The following SORCS3 variants were observed in gnomAD, a reference collection of about 807,000 sequenced individuals.
SORCS3 encodes the protein VPS10 domain-containing receptor SorCS3.
In SORCS3, 57 loss-of-function variants were observed where a neutral mutation model predicts 146.3. That is an observed-to-expected ratio of 0.39 (90% CI 0.31 to 0.49). The LOEUF (loss-of-function observed/expected upper bound fraction) is 0.49, where lower values mean the gene tolerates loss of function less well. SORCS3 is among the 20% of genes least tolerant of loss of function. The pLI is 0.92. For synonymous variants in SORCS3, 653 were observed against 618.5 expected (o/e 1.06, Z -0.83); for missense variants, 1,341 against 1,575.5 (o/e 0.85, Z 2.52).
chr10:105,029,265 C>T (rs2055249601), intron 4 of SORCS3, among the ~76,000 whole-genome samples: 1 of 152,164 alleles, frequency 6.6e-6, no homozygotes, highest in South Asian at 2.1e-4. Flanking sequence ...ATCATTAAAG[C>T]CATGGGTAGA....
At chr10:104,741,712 T>G (rs978651495) in intron 1 of SORCS3, among the ~76,000 whole-genome samples, 1 of 137,150 alleles carries the variant, frequency 7.3e-6, no homozygotes, top group Non-Finnish European at 1.6e-5. Context: ...TTTTTTTTTT[T>G]TTTTTTTTTT....
Position 104,665,735 on chromosome 10 carries a change from A to T in SORCS3, c.627+23781A>T, listed in dbSNP as rs533865444. On this transcript the variant is annotated intron_variant, in intron 1 of 26. Transcript: ENST00000369701. ...AAACTCTCCTCTGGGATTGTTCTTA[A>T]CAAGGTGGTTTGAGTTTCTCTAGGA... 6 of 152,320 alleles carry T rather than the reference A, an allele frequency of 3.9e-5. No homozygotes were observed. The East Asian group carries it at 1.2e-3, about 29-fold the overall frequency. The allele number at this position is 152,320 out of a possible 1,614,324, so 9.4% of individuals were successfully genotyped here.
intron 1 of SORCS3, among the ~76,000 whole-genome samples, chr10:104,678,988 G>T (rs1291730036): frequency 6.6e-6 from 1 of 152,192 alleles, no homozygotes; most frequent in Non-Finnish European, 1.5e-5. Flanking sequence ...CTTTGGGAAT[G>T]AAAGTTCTAA....
At chr10:104,808,362 A>C (rs899751730) in intron 1 of SORCS3, among the ~76,000 whole-genome samples, 2 of 152,254 alleles carry the variant, frequency 1.3e-5, no homozygotes, top group African/African-American at 4.8e-5. Context: ...AGTGGATAGA[A>C]ATAAATAAAT....
chr10:105,260,061 T>C (rs1025085879), intron 25 of SORCS3, among the ~76,000 whole-genome samples: 2 of 152,190 alleles, frequency 1.3e-5, no homozygotes, highest in African/African-American at 2.4e-5. Flanking sequence ...ATTATGCAAA[T>C]TGAGATACAA....
chr10:105,222,700 T>C (rs1406234622), intron 19 of SORCS3, among the ~76,000 whole-genome samples: 1 of 152,178 alleles, frequency 6.6e-6, no homozygotes, highest in Non-Finnish European at 1.5e-5. Context: ...TGGAAACCCA[T>C]TAACAATCAA....
At chr10:104,656,280 G>A (rs939975490) in intron 1 of SORCS3, among the ~76,000 whole-genome samples, 1 of 152,100 alleles carries the variant, frequency 6.6e-6, no homozygotes, top group African/African-American at 2.4e-5. Flanking sequence ...GGAGCAGAGG[G>A]GCTGGGGGAT....
intron 2 of SORCS3, among the ~76,000 whole-genome samples, chr10:104,878,119 G>A (rs535716231): frequency 6.6e-6 from 1 of 151,940 alleles, no homozygotes; most frequent in African/African-American, 2.4e-5. Flanking sequence ...TCAGGAACAA[G>A]AATGTAACCA....
chr10:104,652,788 C>T (rs1589447564), intron 1 of SORCS3, among the ~76,000 whole-genome samples: 1 of 152,198 alleles, frequency 6.6e-6, no homozygotes, highest in East Asian at 1.9e-4. Context: ...CTGCCTTACT[C>T]TTTTCAGATC....
intron 2 of SORCS3, among the ~76,000 whole-genome samples, chr10:104,897,328 T>G (rs2018808183): frequency 6.6e-6 from 1 of 152,174 alleles, no homozygotes; most frequent in African/African-American, 2.4e-5. Context: ...GAATTTTGTC[T>G]TTTCCAACAA....
chr10:105,052,587 A>T (rs935439133), intron 5 of SORCS3, among the ~76,000 whole-genome samples: 1 of 152,008 alleles, frequency 6.6e-6, no homozygotes, highest in Non-Finnish European at 1.5e-5. Flanking sequence ...ACATAAAGAG[A>T]CTTTGACTAC....
At chr10:104,950,886 T>G (rs763824463) in intron 3 of SORCS3, among the ~76,000 whole-genome samples, 2 of 152,230 alleles carry the variant, frequency 1.3e-5, no homozygotes, top group Non-Finnish European at 2.9e-5. Flanking sequence ...CTCAGTACTC[T>G]CTAACTAAGA....
intron 1 of SORCS3, among the ~76,000 whole-genome samples, chr10:104,696,705 GTATATATAATATATAACATATAT>G (rs1357485497): frequency 1.7e-5 from 1 of 60,394 alleles, no homozygotes; most frequent in African/African-American, 7.8e-5. Context: ...TATTATATAC[GTATATATAATATATAACATATAT>G]AATATATAAT....
At chr10:105,041,306 C>G (rs1203173876) in intron 4 of SORCS3, among the ~76,000 whole-genome samples, 1 of 148,468 alleles carries the variant, frequency 6.7e-6, no homozygotes, top group Non-Finnish European at 1.5e-5. Flanking sequence ...CACACTTTTC[C>G]CAACAAATTG....
chr10:105,242,308 A>T (rs1463332387), intron 20 of SORCS3, among the ~76,000 whole-genome samples: 2 of 132,476 alleles, frequency 1.5e-5, no homozygotes, highest in African/African-American at 5.7e-5. Context: ...TTATACATAT[A>T]TTTATATATA....
At chr10:105,098,469 T>C (rs1271569476) in intron 6 of SORCS3, among the ~76,000 whole-genome samples, 2 of 151,286 alleles carry the variant, frequency 1.3e-5, no homozygotes, top group Non-Finnish European at 3.0e-5. Context: ...GTGTAGATTC[T>C]AGTCAAATAC....
intron 13 of SORCS3, among the ~76,000 whole-genome samples, chr10:105,169,132 G>A (rs920533947): frequency 6.6e-6 from 1 of 151,950 alleles, no homozygotes; most frequent in Non-Finnish European, 1.5e-5. Context: ...CACTTATAAT[G>A]GCATCAAAAA....
At chr10:104,756,772 C>A (rs1394740192) in intron 1 of SORCS3, among the ~76,000 whole-genome samples, 2 of 152,226 alleles carry the variant, frequency 1.3e-5, no homozygotes, top group South Asian at 2.1e-4. Context: ...CCCTTGTGAG[C>A]TTTAGTACCT....
chr10:104,852,407 G>C (rs1259402442), intron 2 of SORCS3, among the ~76,000 whole-genome samples: 1 of 152,062 alleles, frequency 6.6e-6, no homozygotes, highest in African/African-American at 2.4e-5. Context: ...GACTATTTTG[G>C]GACTAGTAGT....
Sources: allele counts gnomAD v4.1 joint callset (sites outside exome capture counted in the v4.1 genomes callset), GRCh38; gene constraint gnomAD v4.1.1; transcripts MANE v1.5; gene names NCBI Gene and HGNC (gene_info 2026-07-23, HGNC 2026-07-21).